The following PTPRD variants were observed in gnomAD, a reference collection of about 807,000 sequenced individuals.
PTPRD encodes protein tyrosine phosphatase receptor type D.
PTPRD carries 34 observed loss-of-function variants against 214.5 expected under a neutral mutation model. The ratio of observed to expected loss-of-function variants is 0.16; its 90% CI spans 0.12 to 0.21. PTPRD has a LOEUF of 0.21. PTPRD is among the 10% of genes least tolerant of loss of function. PTPRD has a pLI of 1.00. For synonymous variants in PTPRD, 1,128 were observed against 845.7 expected (o/e 1.33, Z -5.79); for missense variants, 2,545 against 2,398.7 (o/e 1.06, Z -1.27).
chr9:8,557,902 G>T (rs2141110979), intron 14 of PTPRD, among the ~76,000 whole-genome samples: 1 of 150,150 alleles, frequency 6.7e-6, no homozygotes, highest in Non-Finnish European at 1.5e-5. Context: ...AAACATAGAA[G>T]TAAAGATCAT....
At chr9:9,394,565 T>C (rs562112891) in intron 9 of PTPRD, among the ~76,000 whole-genome samples, 71 of 152,256 alleles carry the variant, frequency 4.7e-4, no homozygotes, top group African/African-American at 1.7e-3. Context: ...TATGTAAAGA[T>C]GATAATAATA....
At chr9:8,829,569 G>A (rs1601181897) in intron 11 of PTPRD, among the ~76,000 whole-genome samples, 1 of 152,106 alleles carries the variant, frequency 6.6e-6, no homozygotes, top group Admixed American at 6.6e-5. Context: ...ACATCACACT[G>A]GGTTAGAATT....
chr9:8,922,196 T>A (rs1278018799), intron 11 of PTPRD, among the ~76,000 whole-genome samples: 1 of 152,238 alleles, frequency 6.6e-6, no homozygotes, highest in Non-Finnish European at 1.5e-5. Flanking sequence ...TGACTTTGTT[T>A]TTTTTCTCTA....
At chr9:10,572,920 G>A (rs1208555896) in intron 2 of PTPRD, among the ~76,000 whole-genome samples, 8 of 151,984 alleles carry the variant, frequency 5.3e-5, no homozygotes, top group Non-Finnish European at 1.0e-4. Context: ...GGTAGCTGCT[G>A]ATGCTTTTGT....
At chr9:9,218,097 A>G (rs1453797228) in intron 9 of PTPRD, among the ~76,000 whole-genome samples, 1 of 152,142 alleles carries the variant, frequency 6.6e-6, no homozygotes, top group Admixed American at 6.6e-5. Flanking sequence ...GGAACACAGC[A>G]GCAAATTAAT....
At chr9:10,057,994 G>A (rs773679075) in intron 3 of PTPRD, among the ~76,000 whole-genome samples, 5 of 152,022 alleles carry the variant, frequency 3.3e-5, no homozygotes, top group Non-Finnish European at 5.9e-5. Flanking sequence ...TGGGTAACAC[G>A]TAAGATGATT....
At chr9:8,942,177 C>A (rs1362225808) in intron 11 of PTPRD, among the ~76,000 whole-genome samples, 2 of 152,196 alleles carry the variant, frequency 1.3e-5, no homozygotes, top group African/African-American at 4.8e-5. Context: ...CTGGTCGATA[C>A]TTTACCCATT....
intron 8 of PTPRD, among the ~76,000 whole-genome samples, chr9:9,541,133 T>C (rs942259704): frequency 2.6e-5 from 4 of 151,770 alleles, no homozygotes; most frequent in African/African-American, 9.7e-5. Context: ...AAAATTACTA[T>C]GGTGGCTCAC....
At chr9:9,888,654 C>T (rs1221888104) in intron 5 of PTPRD, among the ~76,000 whole-genome samples, 1 of 152,104 alleles carries the variant, frequency 6.6e-6, no homozygotes, top group Non-Finnish European at 1.5e-5. Context: ...TACCTTCTGC[C>T]ATGAGCGAAA....
At chr9:10,486,113 T>C (rs892880601) in intron 2 of PTPRD, among the ~76,000 whole-genome samples, 1 of 152,064 alleles carries the variant, frequency 6.6e-6, no homozygotes, top group Non-Finnish European at 1.5e-5. Context: ...TTGCAAAAAT[T>C]TTCTCCCATT....
chr9:9,568,976 G>T (rs1013288323), intron 8 of PTPRD, among the ~76,000 whole-genome samples: 1 of 151,692 alleles, frequency 6.6e-6, no homozygotes, highest in African/African-American at 2.4e-5. Flanking sequence ...TCTACAATAA[G>T]GAGTTGTGAA....
intron 9 of PTPRD, among the ~76,000 whole-genome samples, chr9:9,201,571 T>C (rs1043299367): frequency 2.6e-5 from 4 of 152,136 alleles, no homozygotes; most frequent in East Asian, 1.9e-4. Flanking sequence ...AAAAAAAACA[T>C]TGATTTCCTA....
chr9:10,351,663 C>CTTT (rs33924476), intron 2 of PTPRD, among the ~76,000 whole-genome samples: 4 of 144,380 alleles, frequency 2.8e-5, no homozygotes, highest in African/African-American at 1.0e-4. Flanking sequence ...TTAATTCTAA[C>CTTT]TTTTTTTTTT....
At chr9:8,949,784 C>T (rs1433164418) in intron 11 of PTPRD, among the ~76,000 whole-genome samples, 2 of 152,094 alleles carry the variant, frequency 1.3e-5, no homozygotes, top group Non-Finnish European at 2.9e-5. Context: ...TTGTTGTCTT[C>T]TACGTGTTGC....
At chr9:9,038,801 T>C (rs1464657193) in intron 10 of PTPRD, among the ~76,000 whole-genome samples, 1 of 151,838 alleles carries the variant, frequency 6.6e-6, no homozygotes, top group Admixed American at 6.6e-5. Context: ...AAGTGATCAG[T>C]CCGCCTCGGA....
chr9:10,313,397 TACACAC>T (rs60788124), intron 3 of PTPRD, among the ~76,000 whole-genome samples: 1,502 of 148,446 alleles, frequency 0.01, 27 homozygotes, highest in African/African-American at 0.036. Context: ...AGGTACAGAT[TACACAC>T]ACACACACAC....
intron 11 of PTPRD, among the ~76,000 whole-genome samples, chr9:9,010,662 C>T (rs1331662): frequency 0.77 from 117,230 of 151,670 alleles, 46,267 homozygotes; most frequent in Middle Eastern, 0.92. Context: ...CCTTATCAAG[C>T]CAAAGTGTGG....
chr9:9,530,061 G>A (rs1003891319), intron 8 of PTPRD, among the ~76,000 whole-genome samples: 3 of 151,994 alleles, frequency 2.0e-5, no homozygotes, highest in Non-Finnish European at 4.4e-5. Flanking sequence ...CAAATATACA[G>A]ATTTCAAATA....
intron 9 of PTPRD, among the ~76,000 whole-genome samples, chr9:9,263,760 A>G (rs78480988): frequency 6.6e-6 from 1 of 151,710 alleles, no homozygotes; most frequent in East Asian, 2.0e-4. Context: ...ATGAGCACAC[A>G]TAGGCATAAA....
Sources: allele counts gnomAD v4.1 joint callset (sites outside exome capture counted in the v4.1 genomes callset), GRCh38; gene constraint gnomAD v4.1.1; transcripts MANE v1.5; gene names NCBI Gene and HGNC (gene_info 2026-07-23, HGNC 2026-07-21).